HEATR1: variants seen among roughly 807,000 people sequenced by gnomAD.
The protein encoded by HEATR1 is HEAT repeat containing 1.
HEATR1 carries 77 observed loss-of-function variants against 248.2 expected under a neutral mutation model. The observed-to-expected ratio is 0.31, with a 90% CI of 0.26 to 0.37. HEATR1 has a LOEUF of 0.37. Among genes scored for constraint, HEATR1 ranks in the 10% least tolerant of loss-of-function variants. HEATR1 has a pLI of 1.00. For missense variants in HEATR1, 2,420 were observed against 2,504.9 expected (o/e 0.97, Z 0.72); for synonymous variants, 897 against 923.1 (o/e 0.97, Z 0.51).
intron 26 of HEATR1, 52 bp from the exon 27 acceptor site, chr1:236,571,738 C>A (rs752078610): frequency 2.3e-5 from 30 of 1,304,180 alleles, no homozygotes; most frequent in Non-Finnish European, 3.0e-5. Flanking sequence ...TTGTACAATT[C>A]ATTGTTACAT....
chr1:236,592,748 T>C (rs1664074363), intron 9 of HEATR1, 115 bp from the exon 10 acceptor site: 4 of 538,876 alleles, frequency 7.4e-6, no homozygotes, highest in Non-Finnish European at 1.3e-5. Context: ...TTATACAAGG[T>C]ATAGTTTAAT....
chr1:236,588,776 G>T (rs1294859923), intron 12 of HEATR1, among the ~76,000 whole-genome samples: 1 of 152,110 alleles, frequency 6.6e-6, no homozygotes, highest in East Asian at 1.9e-4. Context: ...AAAAACATAG[G>T]TCACTCTGTT....
chr1:236,561,551 G>C (rs768697619), intron 32 of HEATR1, among the ~76,000 whole-genome samples: 2 of 152,168 alleles, frequency 1.3e-5, no homozygotes, highest in Non-Finnish European at 2.9e-5. Flanking sequence ...CGAATTCTAT[G>C]ACATGCTGAG....
chr1:236,600,383 A>G (rs923686408), intron 3 of HEATR1, among the ~76,000 whole-genome samples: 1 of 151,628 alleles, frequency 6.6e-6, no homozygotes, highest in African/African-American at 2.4e-5. Flanking sequence ...TACCTGCCTC[A>G]GCCTCCCAAA....
chr1:236,596,235 T>C (rs923909876), intron 6 of HEATR1, among the ~76,000 whole-genome samples, 191 bp from the exon 7 acceptor site: 1 of 152,160 alleles, frequency 6.6e-6, no homozygotes, highest in Non-Finnish European at 1.5e-5. Flanking sequence ...GACAAGTCTG[T>C]TGAACGAGAC....
At chr1:236,554,526 G>A in intron 42 of HEATR1, 72 bp downstream of exon 42, 1 of 1,324,794 alleles carries the variant, frequency 7.5e-7, no homozygotes, top group African/African-American at 1.5e-5. Flanking sequence ...TGTCATTTGA[G>A]CAGATCTAAA....
rs777333597 is a variant in HEATR1, at chr1:236,603,166, A to G, written c.353T>C (p.Ile118Thr). The G allele has an allele frequency of 5.0e-6, 8 of 1,611,322 alleles. No homozygotes were observed. The African/African-American group carries it at 9.3e-5, about 19-fold the overall frequency. Residue 118 changes from isoleucine (I) to threonine (T), a missense_variant, in exon 3 of 45, where the codon ATT becomes ACT. Coordinates refer to ENST00000366582, the MANE Select transcript of HEATR1 (RefSeq NM_018072.6). Reference protein sequence around the residue: ...KPAQKCLEWLIHRFHIHLYNQ... With the variant: ...KPAQKCLEWLTHRFHIHLYNQ... The stretch of plus-strand genomic sequence containing the variant: ...CTGTAATTCTATTAGCTACCTGTGA[A>G]TCAACCACTCCAGACACTTCTGTGC...
Position 236,571,428 on chromosome 1 carries a change from A to G in HEATR1, c.3871T>C (p.Cys1291Arg), listed in dbSNP as rs766412670. 1.2e-6 allele frequency: 2 copies of G among 1,613,720 alleles called. No individual in the cohort carries two copies. The highest frequency in any genetic ancestry group is 2.2e-5 in the East Asian group (1 of 44,884). Residue 1291 changes from cysteine (C) to arginine (R), a missense_variant, in exon 28 of 45, where the codon TGC (cysteine) becomes CGC (arginine). Transcript: ENST00000366582. ...TGCGGCATCTCCGAAAGGCGGATGC[A>G]CTGAACTATCAACTCCACGTTGAAC... ...EKFNVELIVQ[C>R]IRLSEMPQTH...
At chr1:236,590,197 GTCT>G (rs1178193664) in intron 12 of HEATR1, among the ~76,000 whole-genome samples, 1 of 152,076 alleles carries the variant, frequency 6.6e-6, no homozygotes, top group African/African-American at 2.4e-5. Flanking sequence ...CCCAAAATAT[GTCT>G]TCATCTAAAA....
chr1:236,596,067 G>C (rs1488832826), intron 6 of HEATR1, 23 bp from the exon 7 acceptor site: 9 of 1,515,522 alleles, frequency 5.9e-6, no homozygotes, highest in Non-Finnish European at 8.2e-6. Context: ...TAAATATAAG[G>C]AAAAATGATA....
chr1:236,555,751 T>A, intron 39 of HEATR1, 54 bp downstream of exon 39: 1 of 1,611,628 alleles, frequency 6.2e-7, no homozygotes, highest in Non-Finnish European at 8.5e-7. Context: ...GTTCTCGGAC[T>A]CTTCAATAGG....
chr1:236,559,214 G>A (rs1389665448), intron 34 of HEATR1, 79 bp from the exon 35 acceptor site: 2 of 1,142,258 alleles, frequency 1.8e-6, no homozygotes, highest in Non-Finnish European at 2.4e-6. Flanking sequence ...ACAGACTGCT[G>A]TCCACTGCAC....
chr1:236,596,778 A>G, intron 6 of HEATR1, 58 bp downstream of exon 6: 1 of 1,491,476 alleles, frequency 6.7e-7, no homozygotes, highest in South Asian at 1.3e-5. Flanking sequence ...AAACTTTCGA[A>G]AGCAAGAAAA....
At position 236,596,919 on chromosome 1, in the gene HEATR1, C is replaced by T. The variant is rs1483346033; in HGVS notation, c.661G>A (p.Ala221Thr). 6.8e-6 allele frequency: 11 copies of T among 1,613,882 alleles called. No individual in the cohort carries two copies. The East Asian group carries it at 2.2e-4, about 33-fold the overall frequency. ...ACCAGCGCCGACACTATGGTAGAAGCATAGAAAGCCAAGAGCACCCTCAAC... is the reference window on the plus strand; with the variant it reads ...ACCAGCGCCGACACTATGGTAGAAGTATAGAAAGCCAAGAGCACCCTCAAC... ...AQLRVLLAFYASTIVSALVAA... is the reference protein window; with the variant it reads ...AQLRVLLAFYTSTIVSALVAA... The change falls in exon 6 of 45, where the codon GCT becomes ACT. Residue 221 changes from alanine (A) to threonine (T), a missense_variant. By Grantham distance (58) the Ala-to-Thr change is moderately conservative. Transcript: ENST00000366582.
intron 15 of HEATR1, 39 bp downstream of exon 15, chr1:236,586,202 T>C (rs1407799916): frequency 6.7e-7 from 1 of 1,486,146 alleles, no homozygotes. Context: ...TTTTGTGTTA[T>C]CTGTTCACTT....
At chr1:236,600,108 G>A (rs12407135) in intron 3 of HEATR1, among the ~76,000 whole-genome samples, 4,223 of 130,676 alleles carry the variant, frequency 0.032, 120 homozygotes, top group Admixed American at 0.11. Context: ...GCCCAGGCTG[G>A]TCTGTCAACA....
At chr1:236,582,673 G>C (rs986823738) in intron 19 of HEATR1, 63 bp downstream of exon 19, 1 of 1,570,974 alleles carries the variant, frequency 6.4e-7, no homozygotes, top group Non-Finnish European at 8.7e-7. Flanking sequence ...AAAGTGCTGG[G>C]ATTGCAGGCC....
chr1:236,600,029 A>C (rs1048055086), intron 3 of HEATR1, among the ~76,000 whole-genome samples: 5 of 150,076 alleles, frequency 3.3e-5, no homozygotes, highest in Admixed American at 6.6e-5. Context: ...AGTAGCTGGG[A>C]CCACAGGGGA....
chr1:236,582,816 A>C lies in HEATR1; in HGVS notation c.2482T>G (p.Leu828Val). The C allele has an allele frequency of 1.9e-6, 3 of 1,614,006 alleles. No individual in the cohort carries two copies. Among genetic ancestry groups the C allele is most frequent in the Non-Finnish European group, 2.5e-6 (3 of 1,179,824 alleles). ...ATCATCTCAAACAGCCCAATGAGCA[A>C]GTGCAGATAGTCCCTGCTGTCTTCT... ...LKEDSRDYLHLLIGLFEMMLN... is the reference protein window; with the variant it reads ...LKEDSRDYLHVLIGLFEMMLN... Residue 828 changes from leucine (L) to valine (V), a missense_variant, in exon 19 of 45, where the codon TTG becomes GTG. By Grantham distance (32) the Leu-to-Val change is conservative. Coordinates refer to ENST00000366582, the MANE Select transcript of HEATR1 (RefSeq NM_018072.6).
Sources: gnomAD v4.1 joint callset for allele counts (sites outside exome capture counted in the v4.1 genomes callset) on GRCh38, gnomAD v4.1.1 for gene constraint, MANE v1.5 for transcripts, NCBI Gene and HGNC (gene_info 2026-07-23, HGNC 2026-07-21) for gene names.